The following ARHGAP24 variants were observed in gnomAD, a reference collection of about 807,000 sequenced individuals.
ARHGAP24 encodes the protein rho GTPase-activating protein 24.
A neutral mutation model predicts 76.4 loss-of-function variants in ARHGAP24; 50 were observed. The ratio of observed to expected loss-of-function variants is 0.65; its 90% CI spans 0.52 to 0.83. The LOEUF is 0.83. ARHGAP24 is among the 40% of genes least tolerant of loss of function. The probability of loss-of-function intolerance (pLI) is 0.00; values close to 1 mark genes in which losing one functional copy is unlikely to be tolerated. For synonymous variants in ARHGAP24, 345 were observed against 323.3 expected, an observed-to-expected ratio of 1.07 and a Z score of -0.72; for missense variants, 930 against 914.2, an observed-to-expected ratio of 1.02 and a Z score of -0.22.
At chr4:85,778,947 C>G in intron 3 of ARHGAP24, 1 of 985,404 alleles carries the variant, frequency 1.0e-6, no homozygotes, top group South Asian at 4.7e-5. Flanking sequence ...GTGCGTAGAC[C>G]AGACCAGTGA....
At chr4:85,956,978 TC>T (rs1204530969) in intron 5 of ARHGAP24, among the ~76,000 whole-genome samples, 1 of 152,212 alleles carries the variant, frequency 6.6e-6, no homozygotes, top group Non-Finnish European at 1.5e-5. Flanking sequence ...TCATAGTCCC[TC>T]CCGCTGTGCT....
chr4:85,525,939 C>T (rs1259031937), intron 1 of ARHGAP24, among the ~76,000 whole-genome samples: 2 of 151,952 alleles, frequency 1.3e-5, no homozygotes, highest in African/African-American at 4.8e-5. Flanking sequence ...AATTAGATAC[C>T]TTTAGAGGCT....
At chr4:85,944,436 T>C (rs758053561) in intron 5 of ARHGAP24, among the ~76,000 whole-genome samples, 1 of 152,200 alleles carries the variant, frequency 6.6e-6, no homozygotes, top group Non-Finnish European at 1.5e-5. Flanking sequence ...TCTTGTAAAA[T>C]TGTTTAAGTT....
chr4:85,910,809 C>T (rs751421640), intron 3 of ARHGAP24, among the ~76,000 whole-genome samples: 15 of 151,962 alleles, frequency 9.9e-5, no homozygotes, highest in Admixed American at 2.6e-4. Flanking sequence ...GAAAAGGCTT[C>T]ACAAGTTCCC....
At chr4:85,485,360 AAAAAAAAAAAAAAAAAATATAT>A (rs1209790827) in intron 1 of ARHGAP24, among the ~76,000 whole-genome samples, 17 of 57,974 alleles carry the variant, frequency 2.9e-4, no homozygotes, top group African/African-American at 1.3e-3. Context: ...AAAAAAAAAA[AAAAAAAAAAAAAAAAAATATAT>A]ATATATATAT....
At chr4:85,974,683 A>T (rs1739223196) in intron 6 of ARHGAP24, among the ~76,000 whole-genome samples, 1 of 152,216 alleles carries the variant, frequency 6.6e-6, no homozygotes, top group Admixed American at 6.5e-5. Flanking sequence ...CACAAATAGT[A>T]CTTATGGAGA....
intron 3 of ARHGAP24, among the ~76,000 whole-genome samples, chr4:85,878,607 T>C (rs1272193077): frequency 6.6e-6 from 1 of 152,152 alleles, no homozygotes; most frequent in African/African-American, 2.4e-5. Flanking sequence ...AAATTATATA[T>C]ATATAATTCT....
At chr4:85,623,969 A>G (rs1720821578) in intron 2 of ARHGAP24, among the ~76,000 whole-genome samples, 1 of 152,124 alleles carries the variant, frequency 6.6e-6, no homozygotes, top group South Asian at 2.1e-4. Flanking sequence ...GTTGCTTATC[A>G]GCTTAAGGAG....
chr4:85,795,567 T>G (rs1303362321), intron 3 of ARHGAP24, among the ~76,000 whole-genome samples: 1 of 152,212 alleles, frequency 6.6e-6, no homozygotes, highest in Non-Finnish European at 1.5e-5. Flanking sequence ...TTCTTGTATT[T>G]TGGCAATCAG....
chr4:85,796,183 C>A lies in ARHGAP24; in HGVS notation c.268+74211C>A, dbSNP rs187386076. On this transcript the variant is annotated intron_variant, in intron 3 of 9. Transcript: ENST00000395184. ...GTATCAGAGTTGTGAAATTTACCCA[C>A]AGTTTAGTTTTATACCTACTACACA... 3.6e-4 allele frequency among the ~76,000 whole-genome samples: 53 copies of A among 147,182 alleles called. 1 individual carries two copies. Among genetic ancestry groups the A allele is most frequent in the Non-Finnish European group, 1.6e-4 (11 of 67,492 alleles).
intron 3 of ARHGAP24, among the ~76,000 whole-genome samples, chr4:85,760,704 G>A (rs1726700209): frequency 2.0e-5 from 3 of 152,132 alleles, no homozygotes; most frequent in Admixed American, 2.0e-4. Context: ...AAGAACAGAA[G>A]GCCCGAAGCC....
intron 5 of ARHGAP24, among the ~76,000 whole-genome samples, chr4:85,950,446 G>A (rs1333042441): frequency 1.3e-5 from 2 of 151,984 alleles, no homozygotes; most frequent in Non-Finnish European, 2.9e-5. Context: ...GCTGCAATGA[G>A]TTATGATCAT....
At chr4:85,689,934 C>G (rs752706238) in intron 2 of ARHGAP24, among the ~76,000 whole-genome samples, 2 of 130,160 alleles carry the variant, frequency 1.5e-5, no homozygotes, top group African/African-American at 7.1e-5. Flanking sequence ...TCATCTTTGT[C>G]TTGTTCCACT....
chr4:85,749,419 A>G (rs1340386440), intron 3 of ARHGAP24, among the ~76,000 whole-genome samples: 1 of 152,228 alleles, frequency 6.6e-6, no homozygotes, highest in East Asian at 1.9e-4. Context: ...AATTATTACC[A>G]GTTGATATAG....
intron 2 of ARHGAP24, among the ~76,000 whole-genome samples, chr4:85,655,818 A>AGAGAGAGAGAGAAAGAG (rs1237643654): frequency 2.8e-5 from 1 of 35,524 alleles, no homozygotes; most frequent in Non-Finnish European, 5.1e-5. Context: ...GAGAGAGAGA[A>AGAGAGAGAGAGAAAGAG]AGAGAGAGAG....
At position 85,536,157 on chromosome 4, in the gene ARHGAP24, C is replaced by G. The variant is rs9996146; in HGVS notation, c.-20-34365C>G. Among the ~76,000 whole-genome samples, 588 of 151,992 alleles carry G rather than the reference C, an allele frequency of 3.9e-3. 3 individuals carry two copies. Among genetic ancestry groups the G allele is most frequent in the African/African-American group, 0.013 (551 of 41,496 alleles). ...TCCAGTACAAAAAAAAAAGGACATG[C>G]TAATTACTCTCAGAGAACCTAGGAT... On this transcript the variant is annotated intron_variant, in intron 1 of 9. Coordinates refer to ENST00000395184, the MANE Select transcript of ARHGAP24 (RefSeq NM_001025616.3).
chr4:85,811,067 G>A (rs911569486), intron 3 of ARHGAP24, among the ~76,000 whole-genome samples: 3 of 152,098 alleles, frequency 2.0e-5, no homozygotes, highest in African/African-American at 7.2e-5. Flanking sequence ...GAAAAAAAAT[G>A]TAATTCTATC....
At chr4:85,624,685 G>A (rs1424170386) in intron 2 of ARHGAP24, among the ~76,000 whole-genome samples, 2 of 151,558 alleles carry the variant, frequency 1.3e-5, no homozygotes, top group Non-Finnish European at 3.0e-5. Context: ...TTGTACCTCT[G>A]GTAGAATTCA....
chr4:85,485,787 T>G (rs1303337239), intron 1 of ARHGAP24, among the ~76,000 whole-genome samples: 1 of 150,146 alleles, frequency 6.7e-6, no homozygotes, highest in East Asian at 2.0e-4. Context: ...CAGGCTGGAG[T>G]GCAGTGGTGA....
Sources: allele counts gnomAD v4.1 joint callset (sites outside exome capture counted in the v4.1 genomes callset), GRCh38; gene constraint gnomAD v4.1.1; transcripts MANE v1.5; gene names NCBI Gene and HGNC (gene_info 2026-07-23, HGNC 2026-07-21).